Variants in CDK6 observed in about 807,000 individuals in gnomAD.
CDK6 encodes cyclin-dependent kinase 6.
Under a neutral mutation model 37.1 loss-of-function variants are expected in CDK6, and 6 were observed. The ratio of observed to expected loss-of-function variants is 0.16; its 90% CI spans 0.09 to 0.32. The LOEUF (loss-of-function observed/expected upper bound fraction) is 0.32, where lower values mean the gene tolerates loss of function less well. Among genes scored for constraint, CDK6 ranks in the 10% least tolerant of loss-of-function variants. The probability of loss-of-function intolerance (pLI) is 1.00; values close to 1 mark genes in which losing one functional copy is unlikely to be tolerated. For synonymous variants in CDK6, 160 were observed against 161.3 expected (o/e 0.99, Z 0.06); for missense variants, 224 against 418.9 (o/e 0.53, Z 4.06).
intron 2 of CDK6, among the ~76,000 whole-genome samples, chr7:92,778,292 A>G (rs1278361978): frequency 2.6e-5 from 4 of 151,898 alleles, no homozygotes; most frequent in African/African-American, 9.7e-5. Flanking sequence ...TCCATTGAAA[A>G]TTTTTTCCTC....
chr7:92,712,975 TG>T (rs1798135669), intron 4 of CDK6, among the ~76,000 whole-genome samples: 1 of 152,120 alleles, frequency 6.6e-6, no homozygotes, highest in Admixed American at 6.5e-5. Flanking sequence ...GCGATTCTCC[TG>T]CCCCAGCCTG....
chr7:92,741,350 A>G (rs1276744917), intron 3 of CDK6, among the ~76,000 whole-genome samples: 1 of 152,236 alleles, frequency 6.6e-6, no homozygotes, highest in African/African-American at 2.4e-5. Flanking sequence ...CATTTCTGAT[A>G]AACAACAAAT....
In CDK6 at chr7:92,642,970, A is replaced by G. The variant is rs1029326184; in HGVS notation, c.648-19884T>C. ...AATACAGTTGTGTGATCACAGCTCA[A>G]TGCAGCCTTGACCTCCTGAGCTCAG... On this transcript the variant is annotated intron_variant, in intron 5 of 7. Coordinates refer to ENST00000424848, the MANE Select transcript of CDK6 (RefSeq NM_001145306.2). Among the ~76,000 whole-genome samples, 4 of 151,926 alleles carry G rather than the reference A, an allele frequency of 2.6e-5. No homozygotes were observed. In the East Asian group the frequency reaches 7.7e-4, roughly 29 times the overall value.
chr7:92,648,630 G>A (rs555783776), intron 5 of CDK6, among the ~76,000 whole-genome samples: 13 of 152,150 alleles, frequency 8.5e-5, no homozygotes, highest in Non-Finnish European at 1.8e-4. Flanking sequence ...TTTATAAAAG[G>A]CCTCACTAAA....
At chr7:92,654,064 A>G (rs1476555274) in intron 5 of CDK6, among the ~76,000 whole-genome samples, 1 of 152,088 alleles carries the variant, frequency 6.6e-6, no homozygotes, top group Non-Finnish European at 1.5e-5. Context: ...TACAGTATTA[A>G]TTCTATGTTT....
chr7:92,720,107 C>T (rs776637475), intron 4 of CDK6, among the ~76,000 whole-genome samples: 3 of 152,118 alleles, frequency 2.0e-5, no homozygotes, highest in Non-Finnish European at 4.4e-5. Context: ...AAAAGAAAAC[C>T]AGGAGGCACC....
At chr7:92,755,325 G>C (rs566030301) in intron 3 of CDK6, among the ~76,000 whole-genome samples, 14 of 152,072 alleles carry the variant, frequency 9.2e-5, no homozygotes, top group African/African-American at 2.9e-4. Flanking sequence ...TGCCACAAGG[G>C]TACCTTTTTT....
At chr7:92,826,925 T>A (rs1801333327) in intron 2 of CDK6, among the ~76,000 whole-genome samples, 1 of 152,186 alleles carries the variant, frequency 6.6e-6, no homozygotes, top group Non-Finnish European at 1.5e-5. Flanking sequence ...TACACAATCC[T>A]GGTTCTCAAG....
chr7:92,645,874 G>C (rs1182638539), intron 5 of CDK6, among the ~76,000 whole-genome samples: 7 of 152,148 alleles, frequency 4.6e-5, no homozygotes, highest in Non-Finnish European at 7.4e-5. Flanking sequence ...CTCACACCCC[G>C]GCTGTATTTG....
At chr7:92,697,147 A>T (rs1230857397) in intron 4 of CDK6, among the ~76,000 whole-genome samples, 1 of 152,220 alleles carries the variant, frequency 6.6e-6, no homozygotes, top group African/African-American at 2.4e-5. Flanking sequence ...ATAACATTTC[A>T]GCTTCTCGAA....
rs568217568 is a variant in CDK6, at chr7:92,665,075, A to G, written c.647+6351T>C. The stretch of plus-strand genomic sequence containing the variant: ...GCTGGGATTACAGGTGTGAGTCACC[A>G]CGCCTGGCCGCATGTTTTATTTTCT... On this transcript the variant is annotated intron_variant, in intron 5 of 7. Coordinates refer to ENST00000424848, the MANE Select transcript of CDK6 (RefSeq NM_001145306.2). 1.7e-3 allele frequency among the ~76,000 whole-genome samples: 258 copies of G among 152,206 alleles called. 3 individuals carry two copies. The highest frequency in any genetic ancestry group is 6.0e-3 in the African/African-American group (250 of 41,550).
At chr7:92,809,955 G>T (rs778653995) in intron 2 of CDK6, among the ~76,000 whole-genome samples, 13 of 152,172 alleles carry the variant, frequency 8.5e-5, no homozygotes, top group Non-Finnish European at 1.6e-4. Flanking sequence ...TACTTCCTTT[G>T]ACCTGCTACT....
chr7:92,680,666 A>G (rs1797315737), intron 4 of CDK6, among the ~76,000 whole-genome samples: 1 of 152,058 alleles, frequency 6.6e-6, no homozygotes, highest in African/African-American at 2.4e-5. Context: ...GAAGGGCTGT[A>G]TTTCCTCACA....
intron 2 of CDK6, among the ~76,000 whole-genome samples, chr7:92,803,158 T>C (rs1800628380): frequency 6.6e-6 from 1 of 152,220 alleles, no homozygotes; most frequent in Non-Finnish European, 1.5e-5. Flanking sequence ...TAGGCTATCT[T>C]GCACAATCAA....
chr7:92,757,569 G>A (rs1172981175), intron 3 of CDK6, among the ~76,000 whole-genome samples: 5 of 152,106 alleles, frequency 3.3e-5, no homozygotes, highest in Middle Eastern at 3.2e-3. Flanking sequence ...GGGCATTTAC[G>A]TTGATTCCAT....
At chr7:92,637,727 G>A (rs1796205329) in intron 5 of CDK6, among the ~76,000 whole-genome samples, 1 of 152,096 alleles carries the variant, frequency 6.6e-6, no homozygotes, top group African/African-American at 2.4e-5. Flanking sequence ...TGAGACTTAG[G>A]TTAAGTCAAG....
rs1795553039 is a variant in CDK6 at position 92,611,092 on chromosome 7, A to T, written c.*4048T>A. 1 of 226,710 alleles carries T rather than the reference A, an allele frequency of 4.4e-6. No individual in the cohort carries two copies. 14.0% of individuals were successfully genotyped at this position (226,710 alleles called of 1,614,324 possible). A position where few individuals can be genotyped will look rare whatever the true frequency, so the allele number is the denominator to read the frequency against. On this transcript the variant is annotated 3_prime_UTR_variant, in exon 8 of 8. Transcript: ENST00000424848. ...ATAAAGAATATATCCTTCAAAATATATATAGCTTTGAAACTACCCTTTAAA... is the reference window on the plus strand; with the variant it reads ...ATAAAGAATATATCCTTCAAAATATTTATAGCTTTGAAACTACCCTTTAAA...
intron 2 of CDK6, among the ~76,000 whole-genome samples, chr7:92,828,751 A>G (rs900162371): frequency 6.6e-6 from 1 of 152,176 alleles, no homozygotes; most frequent in Non-Finnish European, 1.5e-5. Context: ...TAATAATTCT[A>G]TGTTGATAGT....
intron 6 of CDK6, 70 bp downstream of exon 6, chr7:92,622,966 T>G (rs998811869): frequency 1.1e-6 from 1 of 905,324 alleles, no homozygotes. Flanking sequence ...ATGATATGCA[T>G]GTCAGAGGAA....
Sources: gnomAD v4.1 joint callset for allele counts (sites outside exome capture counted in the v4.1 genomes callset) on GRCh38, gnomAD v4.1.1 for gene constraint, MANE v1.5 for transcripts, NCBI Gene and HGNC (gene_info 2026-07-23, HGNC 2026-07-21) for gene names.